The following NEDD4L variants were observed in gnomAD, a reference collection of about 807,000 sequenced individuals.
The protein encoded by NEDD4L is NEDD4 like E3 ubiquitin protein ligase, also known as E3 ubiquitin-protein ligase NEDD4-like.
A neutral mutation model predicts 148.9 loss-of-function variants in NEDD4L; 54 were observed. The ratio of observed to expected loss-of-function variants is 0.36; its 90% confidence interval spans 0.29 to 0.45. The LOEUF (loss-of-function observed/expected upper bound fraction) is 0.45, where lower values mean the gene tolerates loss of function less well. NEDD4L is among the 20% of genes least tolerant of loss of function. The pLI, the probability that NEDD4L is intolerant of heterozygous loss-of-function variation, is 1.00. For missense variants in NEDD4L, 856 were observed against 1,233.8 expected (o/e 0.69, Z 4.59); for synonymous variants, 433 against 440.7 (o/e 0.98, Z 0.22).
At chr18:58,114,517 A>G (rs956226509) in intron 1 of NEDD4L, among the ~76,000 whole-genome samples, 1 of 152,234 alleles carries the variant, frequency 6.6e-6, no homozygotes, top group Non-Finnish European at 1.5e-5. Flanking sequence ...ATGTCTTTGT[A>G]TAGTACTTGA....
At chr18:58,378,864 G>A (rs190413296) in intron 24 of NEDD4L, among the ~76,000 whole-genome samples, 222 of 152,366 alleles carry the variant, frequency 1.5e-3, no homozygotes, top group African/African-American at 5.2e-3. Context: ...GGGTCAGGGA[G>A]ATGTGTGGGA....
intron 1 of NEDD4L, among the ~76,000 whole-genome samples, chr18:58,103,945 C>T (rs536124101): frequency 3.3e-4 from 50 of 152,316 alleles, no homozygotes; most frequent in African/African-American, 1.2e-3. Flanking sequence ...AGAACCATTT[C>T]CCAGCATAGA....
chr18:58,167,373 A>G (rs1003641644), intron 2 of NEDD4L, among the ~76,000 whole-genome samples: 1 of 152,194 alleles, frequency 6.6e-6, no homozygotes, highest in Non-Finnish European at 1.5e-5. Context: ...AGCCATTTCC[A>G]TGAGTCTGGG....
chr18:58,068,813 C>T (rs1336493725), intron 1 of NEDD4L, among the ~76,000 whole-genome samples: 1 of 152,134 alleles, frequency 6.6e-6, no homozygotes, highest in Non-Finnish European at 1.5e-5. Context: ...GCAAAGTGGA[C>T]CCTCCAGGTC....
intron 4 of NEDD4L, 147 bp from the exon 5 acceptor site, chr18:58,251,854 T>C (rs1021159149): frequency 3.3e-6 from 2 of 599,872 alleles, no homozygotes; most frequent in Non-Finnish European, 5.9e-6. Flanking sequence ...TTAGTACACA[T>C]AGAATTCCCA....
Position 58,389,090 on chromosome 18 carries a change from C to T in NEDD4L, c.2553C>T (p.Leu851=). ...KIFDENELEL[L]MCGLGDVDVN... ...CTGGTAAATTTTCTTCCTAGTTGCT[C>T]ATGTGCGGCCTCGGTGATGTGGATG... Residue 851 remains leucine (L), a synonymous_variant, in exon 28 of 31, where the codon CTC becomes CTT. Transcript: ENST00000400345. 3 of 1,613,758 alleles carry T rather than the reference C, an allele frequency of 1.9e-6. No individual in the cohort carries two copies. The highest frequency in any genetic ancestry group is 1.3e-5 in the African/African-American group (1 of 75,058).
At chr18:58,068,278 C>T (rs924686308) in intron 1 of NEDD4L, among the ~76,000 whole-genome samples, 1 of 147,760 alleles carries the variant, frequency 6.8e-6, no homozygotes, top group Non-Finnish European at 1.5e-5. Context: ...TGGCTCATTG[C>T]AAACTCCGCC....
rs59856342 is a variant in NEDD4L, at chr18:58,206,681, C to A, written c.123-38746C>A. On this transcript the variant is annotated intron_variant, in intron 2 of 30. Coordinates refer to ENST00000400345, the MANE Select transcript of NEDD4L (RefSeq NM_001144967.3). ...ATGTGGGAGAAATAATAGGCAAAAA[C>A]TGGAAAGAGCACAAGTAAGAGAAGA... Among the ~76,000 whole-genome samples, 1,385 of 152,242 alleles carry A rather than the reference C, an allele frequency of 9.1e-3. 23 individuals carry two copies. Among genetic ancestry groups the A allele is most frequent in the African/African-American group, 0.03 (1,235 of 41,518 alleles).
At chr18:58,367,654 A>T in intron 21 of NEDD4L, 92 bp from the exon 22 acceptor site, 1 of 1,369,102 alleles carries the variant, frequency 7.3e-7, no homozygotes. Context: ...TCGCAGGGAC[A>T]CTGTAAAAGT....
chr18:58,108,567 T>C (rs1009519754), intron 1 of NEDD4L, among the ~76,000 whole-genome samples: 1 of 152,110 alleles, frequency 6.6e-6, no homozygotes, highest in Non-Finnish European at 1.5e-5. Context: ...ATTTTAGGCA[T>C]CCGCCACCAC....
At chr18:58,354,001 C>T (rs72942874) in intron 18 of NEDD4L, among the ~76,000 whole-genome samples, 5,450 of 152,270 alleles carry the variant, frequency 0.036, 155 homozygotes, top group Non-Finnish European at 0.051. Flanking sequence ...AGAAGTTAGA[C>T]ATTTTCAAGA....
chr18:58,213,281 A>C (rs2042794018), intron 2 of NEDD4L, among the ~76,000 whole-genome samples: 1 of 152,232 alleles, frequency 6.6e-6, no homozygotes, highest in Non-Finnish European at 1.5e-5. Context: ...CATATGTATA[A>C]GGATATTTAT....
chr18:58,052,024 G>A (rs193036603), intron 1 of NEDD4L, among the ~76,000 whole-genome samples: 1 of 152,228 alleles, frequency 6.6e-6, no homozygotes, highest in East Asian at 1.9e-4. Flanking sequence ...GGTGTTGCTT[G>A]TTGCTGGAAT....
intron 1 of NEDD4L, among the ~76,000 whole-genome samples, chr18:58,101,385 A>T (rs1436702638): frequency 2.0e-5 from 3 of 152,214 alleles, no homozygotes; most frequent in Non-Finnish European, 4.4e-5. Flanking sequence ...TGAACTCAGA[A>T]CAAGGCTTTT....
intron 24 of NEDD4L, among the ~76,000 whole-genome samples, chr18:58,374,492 T>C (rs1415792605): frequency 1.3e-5 from 2 of 150,752 alleles, no homozygotes; most frequent in Non-Finnish European, 1.5e-5. Context: ...CCCCACTGTG[T>C]TGTGCTTTAT....
intron 13 of NEDD4L, among the ~76,000 whole-genome samples, chr18:58,336,523 G>C (rs1176108763): frequency 6.6e-6 from 1 of 151,802 alleles, no homozygotes; most frequent in Non-Finnish European, 1.5e-5. Flanking sequence ...GTTGTGGTGA[G>C]CTGAGATCGC....
chr18:58,151,628 T>TGTGTGTGC (rs1424353257), intron 1 of NEDD4L, among the ~76,000 whole-genome samples: 15 of 147,736 alleles, frequency 1.0e-4, no homozygotes, highest in Admixed American at 2.7e-4. Context: ...CCTGGATATG[T>TGTGTGTGC]GTGTGTGTGT....
intron 1 of NEDD4L, 51 bp from the exon 2 acceptor site, chr18:58,165,737 A>G (rs753202312): frequency 1.3e-6 from 2 of 1,543,762 alleles, no homozygotes; most frequent in East Asian, 4.5e-5. Context: ...TGAGAGAGTG[A>G]TTGATTGAAG....
chr18:58,090,998 T>G (rs1243730891), intron 1 of NEDD4L: 1 of 151,984 alleles, frequency 6.6e-6, no homozygotes, highest in Non-Finnish European at 1.5e-5. Context: ...AGATGGGAAC[T>G]CACTACCTCC....
Sources: gnomAD v4.1 joint callset for allele counts (sites outside exome capture counted in the v4.1 genomes callset) on GRCh38, gnomAD v4.1.1 for gene constraint, MANE v1.5 for transcripts, NCBI Gene and HGNC (gene_info 2026-07-23, HGNC 2026-07-21) for gene names.